Variants in ACYP2 observed in about 807,000 individuals in gnomAD.
The protein encoded by ACYP2 is acylphosphatase-2.
In ACYP2, 12 loss-of-function variants were observed where a neutral mutation model predicts 11.2. That is an observed-to-expected ratio of 1.08 (90% CI 0.69 to 1.74). The LOEUF (loss-of-function observed/expected upper bound fraction) is 1.74, where lower values mean the gene tolerates loss of function less well. Ranked by LOEUF, ACYP2 falls within the 40% of genes most tolerant of loss-of-function variation. The pLI, the probability that ACYP2 is intolerant of heterozygous loss-of-function variation, is 0.00. For missense variants in ACYP2, 134 were observed against 101.9 expected (o/e 1.31, Z -1.35); for synonymous variants, 43 against 32.2 (o/e 1.33, Z -1.13).
intron 4 of ACYP2, among the ~76,000 whole-genome samples, chr2:54,060,063 T>A (rs1676383204): frequency 6.6e-6 from 1 of 152,218 alleles, no homozygotes; most frequent in Non-Finnish European, 1.5e-5. Context: ...GCTGAGCACT[T>A]AATGGGACCT....
At chr2:54,229,590 G>T (rs1486826082) in intron 6 of ACYP2, among the ~76,000 whole-genome samples, 1 of 152,020 alleles carries the variant, frequency 6.6e-6, no homozygotes, top group Non-Finnish European at 1.5e-5. Flanking sequence ...GTTTTCATTT[G>T]CTAATTCCAT....
At chr2:54,089,316 G>T (rs1678101721) in intron 4 of ACYP2, among the ~76,000 whole-genome samples, 1 of 152,054 alleles carries the variant, frequency 6.6e-6, no homozygotes, top group African/African-American at 2.4e-5. Context: ...TGTTGGCCAG[G>T]CTTAGTGCCT....
intron 2 of ACYP2, among the ~76,000 whole-genome samples, chr2:54,028,186 T>C (rs1674397416): frequency 6.6e-6 from 1 of 152,144 alleles, no homozygotes; most frequent in South Asian, 2.1e-4. Context: ...TATGGCAATT[T>C]CTCAGACTTT....
intron 4 of ACYP2, among the ~76,000 whole-genome samples, chr2:54,117,223 T>C (rs1679862142): frequency 6.6e-6 from 1 of 152,204 alleles, no homozygotes; most frequent in Non-Finnish European, 1.5e-5. Context: ...GAACACTAGA[T>C]GAAAATATAA....
At chr2:54,011,403 C>G (rs1362138477) in intron 2 of ACYP2, among the ~76,000 whole-genome samples, 1 of 152,108 alleles carries the variant, frequency 6.6e-6, no homozygotes, top group African/African-American at 2.4e-5. Flanking sequence ...TGTTTGATGA[C>G]ATTTCAAAAG....
chr2:54,078,404 T>C (rs1677458320), intron 4 of ACYP2, among the ~76,000 whole-genome samples: 2 of 95,298 alleles, frequency 2.1e-5, no homozygotes, highest in African/African-American at 4.3e-5. Context: ...CATATATATA[T>C]GCGTACCATA....
rs775610904 is a variant in ACYP2, at chr2:54,138,712, G to A, written c.368G>A (p.Gly123Asp). The change falls in exon 6 of 7, where the codon GGC becomes GAC. Residue 123 changes from glycine (G) to aspartate (D), a missense_variant. By Grantham distance (94) the Gly-to-Asp change is moderately conservative. Transcript: ENST00000607452. ...AATACCAGCAAAGGCACCGTGACAG[G>A]CCAAGTGCAGGGGCCAGAAGACAAA... 1.2e-6 allele frequency: 2 copies of A among 1,613,950 alleles called. No individual in the cohort carries two copies. Among genetic ancestry groups the A allele is most frequent in the Admixed American group, 1.7e-5 (1 of 59,996 alleles).
rs1297654447 is a variant in ACYP2, at chr2:54,235,814, A to G, written c.405-68874A>G. The stretch of plus-strand genomic sequence containing the variant: ...ACGTAATATGCATGCAGCATGAGCA[A>G]TGAGAGTGAGACCCTGTCTCAAAAC... On this transcript the variant is annotated intron_variant, in intron 6 of 6. Transcript: ENST00000607452. Among the ~76,000 whole-genome samples, 6 of 152,186 alleles carry G rather than the reference A, an allele frequency of 3.9e-5. No homozygotes were observed. The South Asian group carries it at 8.3e-4, about 21-fold the overall frequency.
At chr2:54,262,242 T>C (rs1573012064) in intron 6 of ACYP2, among the ~76,000 whole-genome samples, 2 of 152,214 alleles carry the variant, frequency 1.3e-5, no homozygotes, top group Admixed American at 6.5e-5. Context: ...GTGAATGCGA[T>C]ACAGGAGCAA....
At chr2:54,096,128 T>C (rs1282657198) in intron 4 of ACYP2, among the ~76,000 whole-genome samples, 2 of 116,332 alleles carry the variant, frequency 1.7e-5, no homozygotes, top group East Asian at 2.8e-4. Context: ...GGGTGGCTGC[T>C]GGGCGGAGGG....
chr2:54,118,215 G>T (rs1679930267), intron 4 of ACYP2, among the ~76,000 whole-genome samples: 1 of 152,214 alleles, frequency 6.6e-6, no homozygotes, highest in African/African-American at 2.4e-5. Context: ...AAGTCTTTGA[G>T]TGAACCCAGC....
intron 2 of ACYP2, among the ~76,000 whole-genome samples, chr2:54,010,905 G>A (rs1443480110): frequency 3.3e-5 from 5 of 151,794 alleles, no homozygotes; most frequent in African/African-American, 1.2e-4. Flanking sequence ...CTGATCTCAG[G>A]TGATCTGCCT....
chr2:54,253,341 A>G (rs565028146), intron 6 of ACYP2: 1 of 152,346 alleles, frequency 6.6e-6, no homozygotes, highest in African/African-American at 2.4e-5. Flanking sequence ...CATAATGTAC[A>G]AAAAAGAAAG....
chr2:54,052,002 G>T (rs567416492), intron 3 of ACYP2, among the ~76,000 whole-genome samples: 4 of 151,764 alleles, frequency 2.6e-5, no homozygotes, highest in African/African-American at 7.3e-5. Flanking sequence ...AGCCAAGATC[G>T]CACCATTGCA....
At chr2:54,206,895 A>T (rs1313610738) in intron 6 of ACYP2, among the ~76,000 whole-genome samples, 1 of 152,160 alleles carries the variant, frequency 6.6e-6, no homozygotes, top group African/African-American at 2.4e-5. Flanking sequence ...GATGGTAGCC[A>T]ATGTTTTTCT....
intron 6 of ACYP2, among the ~76,000 whole-genome samples, chr2:54,197,397 AC>A (rs916270855): frequency 6.6e-6 from 1 of 152,004 alleles, no homozygotes; most frequent in Admixed American, 6.6e-5. Flanking sequence ...AGGGGCATGA[AC>A]CCCCTTTCCC....
intron 4 of ACYP2, among the ~76,000 whole-genome samples, chr2:54,094,418 C>T (rs1225135432): frequency 6.6e-6 from 1 of 151,264 alleles, no homozygotes; most frequent in Middle Eastern, 3.4e-3. Context: ...TTAGTAGAGA[C>T]GGGGTTTCAC....
At chr2:54,031,994 T>A (rs1674611038) in intron 2 of ACYP2, among the ~76,000 whole-genome samples, 1 of 152,198 alleles carries the variant, frequency 6.6e-6, no homozygotes, top group Admixed American at 6.5e-5. Flanking sequence ...TCTTGTAAAT[T>A]TCTTTAAGTT....
intron 6 of ACYP2, among the ~76,000 whole-genome samples, chr2:54,139,789 G>T (rs960095021): frequency 6.6e-6 from 1 of 151,446 alleles, no homozygotes; most frequent in African/African-American, 2.4e-5. Context: ...CTTGTAATGT[G>T]TACTTTTCTG....
Sources: allele counts gnomAD v4.1 joint callset (sites outside exome capture counted in the v4.1 genomes callset), GRCh38; gene constraint gnomAD v4.1.1; transcripts MANE v1.5; gene names NCBI Gene and HGNC (gene_info 2026-07-23, HGNC 2026-07-21).